Variants in SHLD1 observed in about 807,000 individuals in gnomAD.
SHLD1 encodes RINN1-REV7-interacting novel NHEJ regulator 3.
Under a neutral mutation model 5.5 loss-of-function variants are expected in SHLD1, and 3 were observed. The ratio of observed to expected loss-of-function variants is 0.54; its 90% confidence interval spans 0.25 to 1.40. The LOEUF is 1.40. Ranked by LOEUF, SHLD1 falls within the 40% of genes most tolerant of loss-of-function variation. The pLI, the probability that SHLD1 is intolerant of heterozygous loss-of-function variation, is 0.15. For missense variants in SHLD1, 210 were observed against 244.4 expected (o/e 0.86, Z 0.94); for synonymous variants, 92 against 94.3 (o/e 0.98, Z 0.14).
chr20:5,767,544 C>T (rs920812518), intron 1 of SHLD1, among the ~76,000 whole-genome samples: 14 of 152,196 alleles, frequency 9.2e-5, no homozygotes, highest in Admixed American at 8.5e-4. Context: ...TTCATGTGCT[C>T]TTCCTTTCCC....
chr20:5,755,427 G>A (rs951725026), intron 1 of SHLD1, among the ~76,000 whole-genome samples: 7 of 152,208 alleles, frequency 4.6e-5, no homozygotes, highest in African/African-American at 9.6e-5. Context: ...CCTGATGATC[G>A]GAAGTAGAAC....
Position 5,812,643 on chromosome 20 carries a change from A to G in SHLD1, c.178+39600A>G, listed in dbSNP as rs973021036. Among the ~76,000 whole-genome samples, 4 of 152,330 alleles carry G rather than the reference A, an allele frequency of 2.6e-5. 1 individual carries two copies. Among genetic ancestry groups the G allele is most frequent in the Admixed American group, 6.5e-5 (1 of 15,300 alleles). On this transcript the variant is annotated intron_variant, in intron 2 of 2. Coordinates refer to ENST00000303142, the MANE Select transcript of SHLD1 (RefSeq NM_152504.4). ...GCCATGTGTATTACTTTCACCAGGT[A>G]TTATGCCTCACTAAATGCAGAGTTC... is the stretch of plus-strand genomic sequence containing the variant.
intron 2 of SHLD1, 73 bp from the exon 3 acceptor site, chr20:5,862,951 T>A (rs2088181630): frequency 7.6e-7 from 1 of 1,308,456 alleles, no homozygotes; most frequent in Non-Finnish European, 1.1e-6. Context: ...AAAATAGACA[T>A]CATCTGCTCT....
At chr20:5,857,127 C>G (rs925266666) in intron 2 of SHLD1, among the ~76,000 whole-genome samples, 2 of 152,132 alleles carry the variant, frequency 1.3e-5, no homozygotes, top group African/African-American at 2.4e-5. Flanking sequence ...AGGTGCCCAC[C>G]ACCATGCCCA....
intron 2 of SHLD1, 25 bp from the exon 3 acceptor site, chr20:5,862,999 T>G: frequency 6.5e-7 from 1 of 1,539,132 alleles, no homozygotes; most frequent in Non-Finnish European, 8.7e-7. Flanking sequence ...TGTGTTTGAG[T>G]ATTGGAATAC....
intron 2 of SHLD1, among the ~76,000 whole-genome samples, chr20:5,814,301 G>C (rs2122386208): frequency 6.6e-6 from 1 of 152,150 alleles, no homozygotes; most frequent in South Asian, 2.1e-4. Context: ...GGCTGCCTGG[G>C]TATCAATCCA....
chr20:5,788,189 G>A (rs932751344), intron 2 of SHLD1, among the ~76,000 whole-genome samples: 1 of 151,934 alleles, frequency 6.6e-6, no homozygotes, highest in Admixed American at 6.6e-5. Flanking sequence ...AAGTATGTGA[G>A]GTTTTTTTCC....
At position 5,795,601 on chromosome 20, in the gene SHLD1, C is replaced by CAAA. The variant is rs56723415; in HGVS notation, c.178+22579_178+22581dup. On this transcript the variant is annotated intron_variant, in intron 2 of 2. Coordinates refer to ENST00000303142, the MANE Select transcript of SHLD1 (RefSeq NM_152504.4). Reference sequence around the variant, plus strand: ...GTGACAGAGCAAGACTCTGGTCTCGCAAAAAAAAAAAAAAAAAAAAAAATC... The same window carrying CAAA: ...GTGACAGAGCAAGACTCTGGTCTCGCAAAAAAAAAAAAAAAAAAAAAAAAAATC... 3.6e-3 allele frequency among the ~76,000 whole-genome samples: 241 copies of CAAA among 67,074 alleles called. 3 individuals are homozygous for CAAA. The highest frequency in any genetic ancestry group is 0.015 in the African/African-American group (232 of 15,928). 44.0% of individuals were successfully genotyped at this position (67,074 alleles called of 152,430 possible).
intron 1 of SHLD1, among the ~76,000 whole-genome samples, chr20:5,772,660 C>A (rs937306817): frequency 2.6e-5 from 4 of 151,982 alleles, no homozygotes; most frequent in Non-Finnish European, 4.4e-5. Flanking sequence ...ACCTATAATC[C>A]CATCACTTTG....
chr20:5,823,082 G>T (rs2087626535), intron 2 of SHLD1, among the ~76,000 whole-genome samples: 1 of 148,916 alleles, frequency 6.7e-6, no homozygotes, highest in South Asian at 2.1e-4. Context: ...CCAGTGGTCG[G>T]TTCCCAGTCC....
At chr20:5,844,313 T>A (rs1486464537) in intron 2 of SHLD1, among the ~76,000 whole-genome samples, 1 of 152,256 alleles carries the variant, frequency 6.6e-6, no homozygotes, top group Non-Finnish European at 1.5e-5. Context: ...GTGTATTTAC[T>A]AACTCAAACT....
chr20:5,773,062 A>G lies in SHLD1; in HGVS notation c.178+19A>G. 1 of 1,613,832 alleles carries G rather than the reference A, an allele frequency of 6.2e-7. No individual in the cohort carries two copies. The highest frequency in any genetic ancestry group is 8.5e-7 in the Non-Finnish European group (1 of 1,179,686). The stretch of plus-strand genomic sequence containing the variant: ...GATCCAGGTAATAAGCAGAGTTTAA[A>G]ACAAACTAACTTAAAAACAACTAGC... On this transcript the variant is annotated intron_variant, in intron 2 of 2. Coordinates refer to ENST00000303142, the MANE Select transcript of SHLD1 (RefSeq NM_152504.4).
At chr20:5,762,549 C>T (rs1378236585) in intron 1 of SHLD1, among the ~76,000 whole-genome samples, 1 of 152,162 alleles carries the variant, frequency 6.6e-6, no homozygotes, top group Non-Finnish European at 1.5e-5. Flanking sequence ...TAGTCTTTCT[C>T]ACCTGCAGGA....
chr20:5,808,009 C>T (rs237069), intron 2 of SHLD1, among the ~76,000 whole-genome samples: 1,928 of 152,204 alleles, frequency 0.013, 31 homozygotes, highest in African/African-American at 0.045. Flanking sequence ...AGGGCGGGCG[C>T]GGTGGCTCAT....
intron 2 of SHLD1, among the ~76,000 whole-genome samples, chr20:5,773,599 A>G (rs1429256697): frequency 6.6e-6 from 1 of 152,130 alleles, no homozygotes; most frequent in Non-Finnish European, 1.5e-5. Flanking sequence ...TTTCATATTA[A>G]TTACCTGATC....
chr20:5,863,055 C>T lies in SHLD1; in HGVS notation c.210C>T (p.Asn70=). The T allele has an allele frequency of 6.2e-7, 1 of 1,612,302 alleles. No homozygotes were observed. Among genetic ancestry groups the T allele is most frequent in the Middle Eastern group, 1.7e-4 (1 of 6,048 alleles). ...GTAACTTAAATATAGAACAAAATAA[C>T]TCCTGGACCGCTGAGAACTTCTGGC... ...DTSNLNIEQN[N]SWTAENFWLD... is the part of the protein sequence containing the mutation. Residue 70 remains asparagine, a synonymous_variant, in exon 3 of 3, where the codon AAC becomes AAT. Transcript: ENST00000303142.
chr20:5,831,808 C>A (rs1346353357), intron 2 of SHLD1, among the ~76,000 whole-genome samples: 1 of 152,132 alleles, frequency 6.6e-6, no homozygotes, highest in Non-Finnish European at 1.5e-5. Flanking sequence ...GTGAAAAAAG[C>A]ACAAAGAAGA....
chr20:5,856,325 G>C (rs1462072026), intron 2 of SHLD1, among the ~76,000 whole-genome samples: 1 of 152,238 alleles, frequency 6.6e-6, no homozygotes, highest in Non-Finnish European at 1.5e-5. Context: ...AGGAGGCAGT[G>C]AAACAGACAG....
intron 1 of SHLD1, among the ~76,000 whole-genome samples, chr20:5,769,081 A>T (rs1308265639): frequency 1.3e-5 from 2 of 151,918 alleles, no homozygotes; most frequent in Non-Finnish European, 2.9e-5. Flanking sequence ...AATTTTTAAA[A>T]TTTTTTGTAA....
Sources: gnomAD v4.1 joint callset for allele counts (sites outside exome capture counted in the v4.1 genomes callset) on GRCh38, gnomAD v4.1.1 for gene constraint, MANE v1.5 for transcripts, NCBI Gene and HGNC (gene_info 2026-07-23, HGNC 2026-07-21) for gene names.